Variants in CPEB3 observed in about 807,000 individuals in gnomAD.
CPEB3 encodes the protein cytoplasmic polyadenylation element binding protein 3, also known as cytoplasmic polyadenylation element-binding protein 3.
Under a neutral mutation model 67.2 loss-of-function variants are expected in CPEB3, and 20 were observed. The ratio of observed to expected loss-of-function variants is 0.30; its 90% CI spans 0.21 to 0.43. The LOEUF (loss-of-function observed/expected upper bound fraction) is 0.43, where lower values mean the gene tolerates loss of function less well. CPEB3 is among the 20% of genes least tolerant of loss of function. The pLI is 1.00. For synonymous variants in CPEB3, 376 were observed against 393.1 expected (o/e 0.96, Z 0.51); for missense variants, 746 against 968.6 (o/e 0.77, Z 3.05).
chr10:92,284,148 C>G (rs540062425), intron 1 of CPEB3, among the ~76,000 whole-genome samples: 27 of 151,818 alleles, frequency 1.8e-4, no homozygotes, highest in African/African-American at 6.0e-4. Context: ...AAGCAATTCT[C>G]CTGCCTTAGC....
chr10:92,086,953 T>C (rs1292493861), intron 8 of CPEB3, among the ~76,000 whole-genome samples: 2 of 152,228 alleles, frequency 1.3e-5, no homozygotes, highest in Non-Finnish European at 2.9e-5. Context: ...ATCTGGAGTT[T>C]ATCCGGGACA....
chr10:92,216,390 G>C, intron 2 of CPEB3: 1 of 1,612,188 alleles, frequency 6.2e-7, no homozygotes, highest in Non-Finnish European at 8.5e-7. Flanking sequence ...GTGTGTTCCG[G>C]GGAGCGCACC....
At chr10:92,105,176 G>A (rs958414168) in intron 7 of CPEB3, among the ~76,000 whole-genome samples, 7 of 152,206 alleles carry the variant, frequency 4.6e-5, no homozygotes, top group Non-Finnish European at 7.3e-5. Flanking sequence ...TGGCTTAGCC[G>A]TGAATTCTAA....
chr10:92,108,918 C>T (rs1319101005), intron 7 of CPEB3, among the ~76,000 whole-genome samples: 2 of 152,194 alleles, frequency 1.3e-5, no homozygotes, highest in Non-Finnish European at 2.9e-5. Flanking sequence ...TGCTCACTCC[C>T]TGCTCAAGAG....
intron 6 of CPEB3, chr10:92,119,288 A>G: frequency 6.6e-7 from 1 of 1,517,886 alleles, no homozygotes; most frequent in Non-Finnish European, 9.1e-7. Context: ...TTGCACTTTC[A>G]GATCCCCTTG....
chr10:92,139,401 T>A (rs1250044439), intron 6 of CPEB3, among the ~76,000 whole-genome samples: 2 of 151,418 alleles, frequency 1.3e-5, no homozygotes, highest in African/African-American at 4.9e-5. Flanking sequence ...CTGGAGGACA[T>A]TATGATAAGA....
intron 6 of CPEB3, among the ~76,000 whole-genome samples, chr10:92,135,996 TCCAGGGG>T (rs1846075079): frequency 8.1e-6 from 1 of 122,954 alleles, no homozygotes; most frequent in Non-Finnish European, 1.6e-5. Flanking sequence ...GAACATCACA[TCCAGGGG>T]CCTGTCATGG....
chr10:92,052,248 G>A lies in CPEB3; in HGVS notation c.2061C>T (p.Gly687=), dbSNP rs144703731. The A allele has an allele frequency of 2.1e-4, 345 of 1,613,752 alleles. No individual in the cohort carries two copies. The highest frequency in any genetic ancestry group is 2.8e-4 in the Non-Finnish European group (336 of 1,179,916). The change falls in exon 10 of 10, where the codon GGC becomes GGT. Residue 687 remains glycine, a synonymous_variant. Transcript: ENST00000265997. ...GGAACGGGACGTGACGAGGGCGGTC[G>A]CCTCCCTCCTTCACCAGCGGTTTGT... ...EFHKPLVKEG[G]DRPRHVPFRW... is the part of the protein sequence containing the mutation.
At chr10:92,248,788 A>G (rs1161675357) in intron 1 of CPEB3, among the ~76,000 whole-genome samples, 3 of 152,226 alleles carry the variant, frequency 2.0e-5, no homozygotes, top group African/African-American at 4.8e-5. Context: ...TTTCTCCAAG[A>G]TTATAATAGA....
At chr10:92,217,670 G>C (rs1177073505) in intron 2 of CPEB3, among the ~76,000 whole-genome samples, 1 of 152,168 alleles carries the variant, frequency 6.6e-6, no homozygotes, top group Non-Finnish European at 1.5e-5. Flanking sequence ...GCTGAGGCAG[G>C]AGAATCACTT....
intron 2 of CPEB3, among the ~76,000 whole-genome samples, chr10:92,209,285 G>A (rs1351403648): frequency 1.3e-5 from 2 of 152,238 alleles, no homozygotes; most frequent in Non-Finnish European, 2.9e-5. Context: ...AGCATTCTGG[G>A]AGGCCGATGC....
chr10:92,094,840 C>G (rs202168334), intron 7 of CPEB3, among the ~76,000 whole-genome samples: 90 of 148,334 alleles, frequency 6.1e-4, no homozygotes, highest in Non-Finnish European at 1.2e-3. Context: ...CACACACACA[C>G]AGAGATGTAT....
chr10:92,079,107 A>G (rs1188129597), intron 9 of CPEB3, among the ~76,000 whole-genome samples: 1 of 152,188 alleles, frequency 6.6e-6, no homozygotes, highest in Non-Finnish European at 1.5e-5. Flanking sequence ...AAAGCTCTTC[A>G]GGTTAAGTTC....
In CPEB3 at chr10:92,108,027, T is replaced by C. The variant is rs151082066; in HGVS notation, c.1572+3049A>G. On this transcript the variant is annotated intron_variant, in intron 7 of 9. Transcript: ENST00000265997. ...GGAGACCTCACTATCAGGTTCTGCA[T>C]TAGAAAAACAATCTGATTAATCTGT... Among the ~76,000 whole-genome samples the C allele has an allele frequency of 2.9e-3, 440 of 152,268 alleles. 2 individuals are homozygous for C. The highest frequency in any genetic ancestry group is 1.0e-2 in the African/African-American group (415 of 41,544).
chr10:92,088,086 G>A (rs943403322), intron 8 of CPEB3, among the ~76,000 whole-genome samples: 2 of 152,144 alleles, frequency 1.3e-5, no homozygotes, highest in Non-Finnish European at 2.9e-5. Flanking sequence ...GGAAGAGACA[G>A]TAATAATGTG....
At chr10:92,273,179 A>G (rs139642026) in intron 1 of CPEB3, among the ~76,000 whole-genome samples, 1,723 of 152,230 alleles carry the variant, frequency 0.011, 32 homozygotes, top group African/African-American at 0.039. Flanking sequence ...AGATTTTCAT[A>G]TATTATATTT....
intron 6 of CPEB3, among the ~76,000 whole-genome samples, chr10:92,141,775 T>G (rs1381076061): frequency 6.7e-6 from 1 of 149,694 alleles, no homozygotes; most frequent in Non-Finnish European, 1.5e-5. Flanking sequence ...TCCCAGCACT[T>G]TGGGAGGCCA....
chr10:92,080,890 C>T (rs527932058), intron 9 of CPEB3, among the ~76,000 whole-genome samples: 6 of 152,282 alleles, frequency 3.9e-5, no homozygotes, highest in East Asian at 1.9e-4. Flanking sequence ...TGAGCCACCG[C>T]GCCCGGTCAT....
At chr10:92,119,086 G>T (rs934442510) in intron 6 of CPEB3, 1 of 1,583,566 alleles carries the variant, frequency 6.3e-7, no homozygotes, top group African/African-American at 1.3e-5. Flanking sequence ...AAGGCCTGAA[G>T]ATTCCCCAGC....
Sources: gnomAD v4.1 joint callset for allele counts (sites outside exome capture counted in the v4.1 genomes callset) on GRCh38, gnomAD v4.1.1 for gene constraint, MANE v1.5 for transcripts, NCBI Gene and HGNC (gene_info 2026-07-23, HGNC 2026-07-21) for gene names.